The following LUZP2 variants were observed in gnomAD, a reference collection of about 807,000 sequenced individuals.
LUZP2 encodes leucine zipper protein 2.
In LUZP2, 52 loss-of-function variants were observed where a neutral mutation model predicts 51.6. The observed-to-expected ratio is 1.01, with a 90% CI of 0.81 to 1.27. LUZP2 has a LOEUF of 1.27. Ranked by LOEUF, LUZP2 falls within the 50% of genes most tolerant of loss-of-function variation. LUZP2 has a pLI of 0.00. For missense variants in LUZP2, 436 were observed against 395.4 expected, an observed-to-expected ratio of 1.10 and a Z score of -0.87; for synonymous variants, 154 against 137.3, an observed-to-expected ratio of 1.12 and a Z score of -0.85.
intron 5 of LUZP2, among the ~76,000 whole-genome samples, chr11:24,873,594 G>A (rs1852152686): frequency 6.6e-6 from 1 of 152,158 alleles, no homozygotes; most frequent in Non-Finnish European, 1.5e-5. Flanking sequence ...TGCAGGCACT[G>A]AGGAGAGATG....
intron 5 of LUZP2, among the ~76,000 whole-genome samples, chr11:24,799,405 G>T (rs1849631737): frequency 6.6e-6 from 1 of 151,958 alleles, no homozygotes; most frequent in Non-Finnish European, 1.5e-5. Flanking sequence ...AGACCAGCCT[G>T]GCCAACATGG....
In LUZP2 at chr11:24,633,324, C is replaced by A. The variant is rs529164655; in HGVS notation, c.63-95845C>A. 5.9e-5 allele frequency among the ~76,000 whole-genome samples: 9 copies of A among 151,998 alleles called. No homozygotes were observed. In the East Asian group the frequency reaches 1.7e-3, roughly 29 times the overall value. Reference sequence around the variant, plus strand: ...ATATATAGGTTATTTTGAACCAAATCCAAATATATAAAGTTGACTTTAGCT... The same window carrying A: ...ATATATAGGTTATTTTGAACCAAATACAAATATATAAAGTTGACTTTAGCT... On this transcript the variant is annotated intron_variant, in intron 1 of 11. Coordinates refer to ENST00000336930, the MANE Select transcript of LUZP2 (RefSeq NM_001009909.4).
intron 7 of LUZP2, among the ~76,000 whole-genome samples, chr11:24,926,345 GTATATATATACGTGTGTA>G (rs1381274118): frequency 6.7e-5 from 3 of 44,960 alleles, no homozygotes; most frequent in African/African-American, 2.2e-4. Flanking sequence ...ATATACGTGT[GTATATATATACGTGTGTA>G]TATATATATA....
intron 1 of LUZP2, among the ~76,000 whole-genome samples, chr11:24,648,541 G>A (rs1226342054): frequency 6.6e-6 from 1 of 151,846 alleles, no homozygotes; most frequent in Non-Finnish European, 1.5e-5. Context: ...CATACATTCT[G>A]ATTTATAGAC....
intron 1 of LUZP2, among the ~76,000 whole-genome samples, chr11:24,591,843 A>C (rs1484734790): frequency 6.6e-6 from 1 of 152,170 alleles, no homozygotes; most frequent in African/African-American, 2.4e-5. Context: ...AGTAATAATA[A>C]ATTCTTAAAA....
chr11:24,732,728 G>A (rs1156835040), intron 3 of LUZP2, among the ~76,000 whole-genome samples: 3 of 151,578 alleles, frequency 2.0e-5, no homozygotes, highest in African/African-American at 7.3e-5. Flanking sequence ...TTTTTAAATT[G>A]CTTTTCCAAG....
chr11:24,901,661 GGA>G (rs1049902385), intron 5 of LUZP2, among the ~76,000 whole-genome samples: 2 of 151,996 alleles, frequency 1.3e-5, no homozygotes, highest in African/African-American at 4.8e-5. Flanking sequence ...GTCAGTTTAG[GGA>G]GACTCCCCAC....
intron 1 of LUZP2, among the ~76,000 whole-genome samples, chr11:24,555,466 C>T (rs920141650): frequency 5.9e-5 from 9 of 152,230 alleles, no homozygotes; most frequent in East Asian, 3.9e-4. Context: ...TATACAAATA[C>T]GCTGTGTTCA....
At chr11:24,681,233 G>A (rs542329560) in intron 1 of LUZP2, among the ~76,000 whole-genome samples, 2 of 151,736 alleles carry the variant, frequency 1.3e-5, no homozygotes, top group South Asian at 2.1e-4. Context: ...CACCCGCCTC[G>A]GCCTCCCAAA....
At chr11:24,807,290 ACT>A (rs1364665072) in intron 5 of LUZP2, among the ~76,000 whole-genome samples, 1 of 151,804 alleles carries the variant, frequency 6.6e-6, no homozygotes, top group Non-Finnish European at 1.5e-5. Flanking sequence ...ACGGTGAAAC[ACT>A]GTCTCTACTA....
At chr11:24,862,003 C>G (rs1006711024) in intron 5 of LUZP2, among the ~76,000 whole-genome samples, 2 of 152,130 alleles carry the variant, frequency 1.3e-5, no homozygotes, top group Non-Finnish European at 2.9e-5. Flanking sequence ...TTATTCTCCC[C>G]CAAAGCTATG....
At chr11:24,754,602 T>C (rs1013650321) in intron 4 of LUZP2, among the ~76,000 whole-genome samples, 2 of 152,154 alleles carry the variant, frequency 1.3e-5, no homozygotes, top group African/African-American at 2.4e-5. Context: ...CCTGACATCA[T>C]AAAAGCAATC....
chr11:24,999,993 T>C (rs889027339), intron 9 of LUZP2, among the ~76,000 whole-genome samples: 4 of 145,878 alleles, frequency 2.7e-5, no homozygotes, highest in African/African-American at 9.8e-5. Flanking sequence ...TTTTATTCCC[T>C]TATTTGGCCC....
At chr11:24,605,117 C>T (rs1264076379) in intron 1 of LUZP2, among the ~76,000 whole-genome samples, 1 of 151,696 alleles carries the variant, frequency 6.6e-6, no homozygotes, top group South Asian at 2.1e-4. Context: ...TAGGTCTCTT[C>T]TTTGTAGAAG....
rs1436543539 is a variant in LUZP2 at position 24,850,167 on chromosome 11, C to T, written c.397-55824C>T. Among the ~76,000 whole-genome samples, 6 of 152,084 alleles carry T rather than the reference C, an allele frequency of 3.9e-5. No individual in the cohort carries two copies. The South Asian group carries it at 6.2e-4, about 16-fold the overall frequency. ...TCAATTTTGGCTTTTGCTGCCATTG[C>T]TTTTGGTGTTTAATTCATGAAGTCA... is the stretch of plus-strand genomic sequence containing the variant. On this transcript the variant is annotated intron_variant, in intron 5 of 11. Coordinates refer to ENST00000336930, the MANE Select transcript of LUZP2 (RefSeq NM_001009909.4).
chr11:24,800,119 A>G (rs1047229708), intron 5 of LUZP2, among the ~76,000 whole-genome samples: 1 of 151,374 alleles, frequency 6.6e-6, no homozygotes, highest in African/African-American at 2.4e-5. Context: ...ACCCGCCCCC[A>G]CCCTTGTTTT....
intron 1 of LUZP2, among the ~76,000 whole-genome samples, chr11:24,566,667 C>T (rs79915791): frequency 0.1 from 14,637 of 146,094 alleles, 924 homozygotes; most frequent in African/African-American, 0.16. Context: ...GGGCTTTAGC[C>T]TGAGATCCTG....
chr11:24,758,837 A>G (rs1405720541), intron 4 of LUZP2, among the ~76,000 whole-genome samples: 1 of 152,102 alleles, frequency 6.6e-6, no homozygotes, highest in South Asian at 2.1e-4. Flanking sequence ...GTAAGTCTAT[A>G]GTAAAATGCT....
rs558831920 is a variant in LUZP2, at chr11:24,636,005, G to A, written c.63-93164G>A. Among the ~76,000 whole-genome samples, 8 of 152,158 alleles carry A rather than the reference G, an allele frequency of 5.3e-5. No homozygotes were observed. The South Asian group carries it at 6.2e-4, about 12-fold the overall frequency. ...GTGGCTTGAAGAAATCACACTGGGT[G>A]GCAATCTACTCTGGAACTTCTGATT... On this transcript the variant is annotated intron_variant, in intron 1 of 11. Transcript: ENST00000336930.
Sources: gnomAD v4.1 joint callset for allele counts (sites outside exome capture counted in the v4.1 genomes callset) on GRCh38, gnomAD v4.1.1 for gene constraint, MANE v1.5 for transcripts, NCBI Gene and HGNC (gene_info 2026-07-23, HGNC 2026-07-21) for gene names.